The following NR2C2 variants were observed in gnomAD, a reference collection of about 807,000 sequenced individuals.
NR2C2 encodes the protein Nuclear hormone receptor TR4.
Under a neutral mutation model 62.9 loss-of-function variants are expected in NR2C2, and 6 were observed. The observed-to-expected ratio is 0.10, with a 90% CI of 0.05 to 0.19. NR2C2 has a LOEUF of 0.19. Ranked by LOEUF, NR2C2 falls within the 10% of genes least tolerant of loss-of-function variation. The pLI, the probability that NR2C2 is intolerant of heterozygous loss-of-function variation, is 1.00. For synonymous variants in NR2C2, 272 were observed against 273.8 expected (o/e 0.99, Z 0.07); for missense variants, 479 against 762.7 (o/e 0.63, Z 4.38).
intron 4 of NR2C2, among the ~76,000 whole-genome samples, chr3:15,016,656 C>G (rs2041519299): frequency 6.6e-6 from 1 of 152,190 alleles, no homozygotes; most frequent in Non-Finnish European, 1.5e-5. Context: ...CTGTAAATAA[C>G]TGCTGTAATG....
rs767397592 is a variant in NR2C2, at chr3:15,043,029, A to G, written c.*21A>G. The G allele has an allele frequency of 1.2e-6, 2 of 1,609,642 alleles. No individual in the cohort carries two copies. The highest frequency in any genetic ancestry group is 1.1e-5 in the South Asian group (1 of 90,672). On this transcript the variant is annotated 3_prime_UTR_variant, in exon 14 of 14. Transcript: ENST00000425241. ...TATAGCGCAAACCACACACCTGCCA[A>G]GGAGCAACAGAATCCTTCCAGGACC...
rs1278602633 is a variant in NR2C2, at chr3:15,028,665, A to G, written c.878A>G (p.Asn293Ser). The change falls in exon 8 of 14, where the codon AAC becomes AGC. Residue 293 changes from asparagine to serine, a missense_variant. Transcript: ENST00000425241. ...GCCAACCTAAGTGAATCTTTGAACAACGGTGACACTTCAGAAATCCAGCCA... is the reference window on the plus strand; with the variant it reads ...GCCAACCTAAGTGAATCTTTGAACAGCGGTGACACTTCAGAAATCCAGCCA... Reference protein sequence around the residue: ...SLANLSESLNNGDTSEIQPED... With the variant: ...SLANLSESLNSGDTSEIQPED... 6.2e-7 allele frequency: 1 copy of G among 1,614,092 alleles called. No homozygotes were observed. The highest frequency in any genetic ancestry group is 1.3e-5 in the African/African-American group (1 of 74,936).
intron 1 of NR2C2, among the ~76,000 whole-genome samples, chr3:14,965,321 A>G (rs1452493710): frequency 6.6e-6 from 1 of 152,168 alleles, no homozygotes; most frequent in African/African-American, 2.4e-5. Flanking sequence ...CTAAGAGGCC[A>G]TCATTCTTTC....
chr3:15,037,764 G>A (rs1009579083), intron 11 of NR2C2, among the ~76,000 whole-genome samples: 1 of 152,304 alleles, frequency 6.6e-6, no homozygotes, highest in African/African-American at 2.4e-5. Context: ...GCAGGGTCAG[G>A]GAGAATCACT....
At chr3:14,989,321 G>T (rs960414347) in intron 1 of NR2C2, among the ~76,000 whole-genome samples, 1 of 152,174 alleles carries the variant, frequency 6.6e-6, no homozygotes, top group Non-Finnish European at 1.5e-5. Flanking sequence ...CTTCCTGCCA[G>T]AATGGGAGGC....
At chr3:14,992,508 G>A (rs1156935970) in intron 1 of NR2C2, among the ~76,000 whole-genome samples, 1 of 152,116 alleles carries the variant, frequency 6.6e-6, no homozygotes, top group African/African-American at 2.4e-5. Context: ...CATTCACTAA[G>A]CATTCATTGT....
chr3:14,977,173 C>T (rs2040232032), intron 1 of NR2C2, among the ~76,000 whole-genome samples: 1 of 152,084 alleles, frequency 6.6e-6, no homozygotes, highest in African/African-American at 2.4e-5. Context: ...TTCCATCTGC[C>T]TCCAGCTTCT....
intron 1 of NR2C2, among the ~76,000 whole-genome samples, chr3:14,997,733 GAAAA>G (rs953897652): frequency 6.6e-6 from 1 of 150,892 alleles, no homozygotes; most frequent in African/African-American, 2.4e-5. Flanking sequence ...GCTTATGAAA[GAAAA>G]AAAAATTTAA....
chr3:15,036,284 T>G (rs2042100849), intron 11 of NR2C2, among the ~76,000 whole-genome samples: 1 of 151,362 alleles, frequency 6.6e-6, no homozygotes, highest in Non-Finnish European at 1.5e-5. Context: ...TCCTTAAGAG[T>G]GAACAAACAA....
At chr3:14,979,928 G>A (rs913987221) in intron 1 of NR2C2, among the ~76,000 whole-genome samples, 4 of 152,210 alleles carry the variant, frequency 2.6e-5, no homozygotes, top group Non-Finnish European at 5.9e-5. Context: ...CAAGCCTACC[G>A]ATAATGTAAA....
chr3:14,999,590 A>C (rs1231922864), intron 1 of NR2C2, among the ~76,000 whole-genome samples: 1 of 152,068 alleles, frequency 6.6e-6, no homozygotes, highest in Non-Finnish European at 1.5e-5. Flanking sequence ...ACCTAATTCA[A>C]GTTCACGAAG....
At chr3:15,000,127 T>C (rs924447256) in intron 1 of NR2C2, among the ~76,000 whole-genome samples, 2 of 152,162 alleles carry the variant, frequency 1.3e-5, no homozygotes, top group African/African-American at 4.8e-5. Flanking sequence ...AGAAAAGTAT[T>C]CCTCCTAAGA....
intron 4 of NR2C2, among the ~76,000 whole-genome samples, chr3:15,019,485 A>G (rs532526407): frequency 1.2e-4 from 18 of 152,370 alleles, no homozygotes; most frequent in African/African-American, 4.1e-4. Flanking sequence ...TTACTGCATG[A>G]CTATTTACAA....
chr3:15,006,964 A>C (rs1302942072), intron 2 of NR2C2, among the ~76,000 whole-genome samples: 1 of 151,766 alleles, frequency 6.6e-6, no homozygotes, highest in Non-Finnish European at 1.5e-5. Flanking sequence ...CAGTAGAGAC[A>C]GAGTTTCACC....
At chr3:14,974,903 CAGTGTATACTTACGTTTTA>C (rs2040158227) in intron 1 of NR2C2, among the ~76,000 whole-genome samples, 1 of 152,130 alleles carries the variant, frequency 6.6e-6, no homozygotes, top group Non-Finnish European at 1.5e-5. Flanking sequence ...TGCGTCCAAC[CAGTGTATACTTACGTTTTA>C]AGTGTATACT....
At chr3:15,023,636 C>T (rs963491244) in intron 6 of NR2C2, among the ~76,000 whole-genome samples, 1 of 152,232 alleles carries the variant, frequency 6.6e-6, no homozygotes, top group African/African-American at 2.4e-5. Flanking sequence ...AAGATTGGGG[C>T]ATTTCTGCAG....
intron 2 of NR2C2, chr3:15,004,510 T>A: frequency 1.3e-6 from 2 of 1,532,982 alleles, no homozygotes; most frequent in Non-Finnish European, 1.8e-6. Context: ...TTACTAATAT[T>A]GTTATTAACT....
chr3:14,974,100 GC>G (rs888883603), intron 1 of NR2C2, among the ~76,000 whole-genome samples: 3 of 152,012 alleles, frequency 2.0e-5, no homozygotes, highest in Admixed American at 1.3e-4. Flanking sequence ...ACTCCCCAAT[GC>G]CCCCTTCCCC....
intron 3 of NR2C2, 98 bp downstream of exon 3, chr3:15,013,887 G>A: frequency 7.6e-7 from 1 of 1,322,346 alleles, no homozygotes; most frequent in South Asian, 1.3e-5. Flanking sequence ...TCCATCCCTG[G>A]AAGGTTCCTT....
Sources: allele counts gnomAD v4.1 joint callset (sites outside exome capture counted in the v4.1 genomes callset), GRCh38; gene constraint gnomAD v4.1.1; transcripts MANE v1.5; gene names NCBI Gene and HGNC (gene_info 2026-07-23, HGNC 2026-07-21).